DLG2: variants seen among roughly 807,000 people sequenced by gnomAD.
DLG2 encodes discs large MAGUK scaffold protein 2.
In DLG2, 45 loss-of-function variants were observed where a neutral mutation model predicts 132.5. The observed-to-expected ratio is 0.34, with a 90% CI of 0.27 to 0.44. The LOEUF is 0.44. Ranked by LOEUF, DLG2 falls within the 20% of genes least tolerant of loss-of-function variation. The pLI is 1.00. For synonymous variants in DLG2, 424 were observed against 419.6 expected (o/e 1.01, Z -0.13); for missense variants, 1,045 against 1,196.9 (o/e 0.87, Z 1.87).
At chr11:84,695,916 C>T (rs1357252464) in intron 6 of DLG2, among the ~76,000 whole-genome samples, 1 of 151,422 alleles carries the variant, frequency 6.6e-6, no homozygotes, top group African/African-American at 2.4e-5. Flanking sequence ...TTTCCCTATA[C>T]TAGGCTGTCT....
At chr11:85,306,440 T>G (rs1293832236) in intron 3 of DLG2, among the ~76,000 whole-genome samples, 1 of 152,230 alleles carries the variant, frequency 6.6e-6, no homozygotes, top group Non-Finnish European at 1.5e-5. Context: ...ATAAACCTAG[T>G]CTCAGGCTCT....
At chr11:85,252,298 T>C (rs1265964503) in intron 4 of DLG2, among the ~76,000 whole-genome samples, 1 of 152,196 alleles carries the variant, frequency 6.6e-6, no homozygotes, top group East Asian at 1.9e-4. Context: ...GGCCCATCAT[T>C]ACATCATGTA....
rs560946528 is a variant in DLG2, at chr11:84,383,750, G to C, written c.520-132459C>G. ...GTAAGCTGGAATTAGATCTGTCCTT[G>C]GCTTAGCCTCTTGTAAGACTGCAGC... On this transcript the variant is annotated intron_variant, in intron 7 of 27. Coordinates refer to ENST00000376104, the MANE Select transcript of DLG2 (RefSeq NM_001142699.3). Among the ~76,000 whole-genome samples, 17 of 152,184 alleles carry C rather than the reference G, an allele frequency of 1.1e-4. 1 individual carries two copies. The highest frequency in any genetic ancestry group is 3.4e-4 in the African/African-American group (14 of 41,544).
At chr11:85,152,916 CT>C (rs936090137) in intron 5 of DLG2, among the ~76,000 whole-genome samples, 1 of 152,148 alleles carries the variant, frequency 6.6e-6, no homozygotes, top group Non-Finnish European at 1.5e-5. Context: ...ATAAGATTGT[CT>C]TTTTCAGCAG....
intron 6 of DLG2, among the ~76,000 whole-genome samples, chr11:85,042,717 C>T (rs2061984680): frequency 6.6e-6 from 1 of 151,964 alleles, no homozygotes; most frequent in African/African-American, 2.4e-5. Flanking sequence ...CATAAGAAAT[C>T]TGTCATGTAT....
intron 7 of DLG2, among the ~76,000 whole-genome samples, chr11:84,509,022 C>T (rs2099250045): frequency 6.6e-6 from 1 of 152,176 alleles, no homozygotes; most frequent in Non-Finnish European, 1.5e-5. Flanking sequence ...TGAGCGCAAA[C>T]ACAAGAATTG....
chr11:83,852,817 A>G (rs992123478), intron 16 of DLG2, among the ~76,000 whole-genome samples: 3 of 152,186 alleles, frequency 2.0e-5, no homozygotes, highest in Non-Finnish European at 4.4e-5. Context: ...TTTCTTTATC[A>G]GGAAAAAAGA....
intron 6 of DLG2, among the ~76,000 whole-genome samples, chr11:84,671,401 C>T (rs1029243903): frequency 2.0e-5 from 3 of 152,038 alleles, no homozygotes; most frequent in African/African-American, 7.2e-5. Context: ...TTGTACCTGG[C>T]CTTACAGTAC....
chr11:84,465,322 G>A (rs1300390864), intron 7 of DLG2, among the ~76,000 whole-genome samples: 2 of 151,112 alleles, frequency 1.3e-5, no homozygotes, highest in African/African-American at 4.8e-5. Flanking sequence ...CTGCCAGTGG[G>A]TTTTTGTTTT....
intron 6 of DLG2, among the ~76,000 whole-genome samples, chr11:84,959,335 T>C (rs1175444316): frequency 6.6e-6 from 1 of 152,216 alleles, no homozygotes; most frequent in Non-Finnish European, 1.5e-5. Flanking sequence ...AATTACTTAA[T>C]GCTCAACTCT....
At chr11:84,753,306 T>A (rs2066429111) in intron 6 of DLG2, among the ~76,000 whole-genome samples, 1 of 151,726 alleles carries the variant, frequency 6.6e-6, no homozygotes, top group African/African-American at 2.4e-5. Flanking sequence ...AAGAAAGGAG[T>A]GGAAACAGGG....
intron 18 of DLG2, among the ~76,000 whole-genome samples, chr11:83,736,213 G>A (rs922464607): frequency 6.6e-5 from 10 of 152,104 alleles, no homozygotes; most frequent in African/African-American, 1.9e-4. Flanking sequence ...GAGCCAAACC[G>A]CTCAGGTTCA....
intron 3 of DLG2, among the ~76,000 whole-genome samples, chr11:85,400,872 T>A (rs939861364): frequency 1.3e-5 from 2 of 151,140 alleles, no homozygotes; most frequent in Non-Finnish European, 2.9e-5. Context: ...GCATGGCACA[T>A]GTATACATAC....
At chr11:83,518,136 A>C (rs1325216028) in intron 21 of DLG2, among the ~76,000 whole-genome samples, 1 of 152,232 alleles carries the variant, frequency 6.6e-6, no homozygotes, top group African/African-American at 2.4e-5. Context: ...CTACAGAGGC[A>C]GGCAGGCCTC....
chr11:83,871,919 A>G (rs549586679), intron 16 of DLG2, among the ~76,000 whole-genome samples: 1 of 152,270 alleles, frequency 6.6e-6, no homozygotes, highest in Non-Finnish European at 1.5e-5. Context: ...GTGTATATTT[A>G]ACTAGTACTT....
chr11:84,504,099 C>G (rs1203288152), intron 7 of DLG2, among the ~76,000 whole-genome samples: 1 of 151,994 alleles, frequency 6.6e-6, no homozygotes, highest in Admixed American at 6.5e-5. Flanking sequence ...TACTATAGAC[C>G]AAACTGTACA....
At chr11:85,595,150 C>T (rs1296312471) in intron 3 of DLG2, among the ~76,000 whole-genome samples, 1 of 151,386 alleles carries the variant, frequency 6.6e-6, no homozygotes, top group African/African-American at 2.4e-5. Flanking sequence ...AATAAAAGTG[C>T]CTTGAAAATC....
chr11:84,869,485 T>C (rs183933521), intron 6 of DLG2, among the ~76,000 whole-genome samples: 4 of 151,984 alleles, frequency 2.6e-5, no homozygotes, highest in South Asian at 2.1e-4. Context: ...ACCTTATATA[T>C]AATCAAAGTG....
intron 6 of DLG2, chr11:84,640,675 C>T (rs927700727): frequency 5.7e-6 from 1 of 176,146 alleles, no homozygotes; most frequent in Non-Finnish European, 1.2e-5. Flanking sequence ...GGCATGGTAG[C>T]TCACACCTGG....
Sources: allele counts gnomAD v4.1 joint callset (sites outside exome capture counted in the v4.1 genomes callset), GRCh38; gene constraint gnomAD v4.1.1; transcripts MANE v1.5; gene names NCBI Gene and HGNC (gene_info 2026-07-23, HGNC 2026-07-21).